The following PRRC2C variants were observed in gnomAD, a reference collection of about 807,000 sequenced individuals.
PRRC2C encodes protein PRRC2C.
In PRRC2C, 72 loss-of-function variants were observed where a neutral mutation model predicts 317.2. The observed-to-expected ratio is 0.23, with a 90% CI of 0.19 to 0.28. The LOEUF is 0.28. Ranked by LOEUF, PRRC2C falls within the 10% of genes least tolerant of loss-of-function variation. The probability of loss-of-function intolerance (pLI) is 1.00; values close to 1 mark genes in which losing one functional copy is unlikely to be tolerated. For missense variants in PRRC2C, 3,074 were observed against 3,459.7 expected (o/e 0.89, Z 2.80); for synonymous variants, 1,296 against 1,205.9 (o/e 1.07, Z -1.55).
intron 2 of PRRC2C, 104 bp downstream of exon 2, chr1:171,512,304 A>G (rs1234875195): frequency 8.6e-6 from 7 of 816,070 alleles, no homozygotes; most frequent in Non-Finnish European, 1.2e-5. Flanking sequence ...AGTTAATACA[A>G]TGCTATTTAC....
chr1:171,494,047 A>G (rs1667672400), intron 1 of PRRC2C, among the ~76,000 whole-genome samples: 1 of 152,248 alleles, frequency 6.6e-6, no homozygotes, highest in African/African-American at 2.4e-5. Context: ...ACTAAATATT[A>G]GAGCTAGAAT....
chr1:171,560,885 G>T lies in PRRC2C; in HGVS notation c.6032-133G>T, dbSNP rs1572017221. The T allele has an allele frequency of 3.9e-6, 3 of 767,448 alleles. No individual in the cohort carries two copies. The South Asian group carries it at 4.4e-5, about 11-fold the overall frequency. 47.5% of individuals were successfully genotyped at this position (767,448 alleles called of 1,614,324 possible). A position where few individuals can be genotyped will look rare whatever the true frequency, so the allele number is the denominator to read the frequency against. ...GATACATAATAATCTTTGTAAGTCT[G>T]ATTTGAAAAGTGATTGTTTTATTCC... On this transcript the variant is annotated intron_variant, in intron 19 of 34. Transcript: ENST00000647382.
intron 13 of PRRC2C, 135 bp from the exon 14 acceptor site, chr1:171,535,887 CAACTCTT>C: frequency 8.8e-7 from 1 of 1,142,224 alleles, no homozygotes; most frequent in East Asian, 2.6e-5. Context: ...TTTGTCTTGC[CAACTCTT>C]AACTGTTAAA....
At chr1:171,505,686 CTT>C (rs1670046620) in intron 1 of PRRC2C, among the ~76,000 whole-genome samples, 2 of 152,176 alleles carry the variant, frequency 1.3e-5, no homozygotes, top group Non-Finnish European at 2.9e-5. Flanking sequence ...AGCATACAAA[CTT>C]TTGACTGTTC....
chr1:171,503,681 C>T (rs560016264), intron 1 of PRRC2C, among the ~76,000 whole-genome samples: 1 of 152,008 alleles, frequency 6.6e-6, no homozygotes, highest in East Asian at 1.9e-4. Flanking sequence ...TTTAAATTTG[C>T]ATTTCCCAAA....
chr1:171,586,989 T>C lies in PRRC2C; in HGVS notation c.7750-14T>C, dbSNP rs1208081588. The C allele has an allele frequency of 2.6e-6, 4 of 1,560,780 alleles. No homozygotes were observed. In the East Asian group the frequency reaches 9.1e-5, roughly 36 times the overall value. The stretch of plus-strand genomic sequence containing the variant: ...GAAACAAATTGCTTCAGTTTCTCTT[T>C]ACTTATTTTCTAGGTTACAGTACCT... On this transcript the variant is annotated splice_polypyrimidine_tract_variant and intron_variant, in intron 30 of 34. Coordinates refer to ENST00000647382, the MANE Select transcript of PRRC2C (RefSeq NM_001387844.1).
At chr1:171,542,805 G>C (rs1678201738) in intron 16 of PRRC2C, among the ~76,000 whole-genome samples, 1 of 151,884 alleles carries the variant, frequency 6.6e-6, no homozygotes, top group Non-Finnish European at 1.5e-5. Flanking sequence ...TTGTCACCCA[G>C]GCTGGAGTGC....
chr1:171,576,989 T>G (rs899077075), intron 25 of PRRC2C, among the ~76,000 whole-genome samples: 17 of 152,358 alleles, frequency 1.1e-4, no homozygotes, highest in Admixed American at 6.5e-4. Context: ...TTAGGACCAG[T>G]TGAGATCTTT....
At chr1:171,517,978 CA>C (rs1463103893) in intron 6 of PRRC2C, among the ~76,000 whole-genome samples, 164 bp downstream of exon 6, 1 of 152,204 alleles carries the variant, frequency 6.6e-6, no homozygotes, top group African/African-American at 2.4e-5. Context: ...AGGGACTACA[CA>C]TGGTGTAAAC....
chr1:171,553,246 C>A (rs1390055586), intron 18 of PRRC2C, among the ~76,000 whole-genome samples: 1 of 152,144 alleles, frequency 6.6e-6, no homozygotes, highest in Non-Finnish European at 1.5e-5. Context: ...AGTTTATGTG[C>A]GTAGAGGTGT....
intron 4 of PRRC2C, 135 bp from the exon 5 acceptor site, chr1:171,515,599 T>A: frequency 1.4e-6 from 1 of 707,192 alleles, no homozygotes; most frequent in Non-Finnish European, 2.2e-6. Flanking sequence ...TTTAAAGTGA[T>A]ATGGCTATGA....
intron 28 of PRRC2C, among the ~76,000 whole-genome samples, chr1:171,583,364 A>G: frequency 1.6e-4 from 1 of 6,170 alleles, no homozygotes; most frequent in African/African-American, 7.8e-4. Flanking sequence ...GCAAACACAC[A>G]CATTAGGCTA....
intron 19 of PRRC2C, 89 bp from the exon 20 acceptor site, chr1:171,560,929 A>C: frequency 3.0e-6 from 3 of 1,004,280 alleles, no homozygotes; most frequent in Non-Finnish European, 4.8e-6. Context: ...TAATAGCTAC[A>C]CAGTAGGAGA....
chr1:171,579,245 A>C (rs1647952440), intron 26 of PRRC2C, 109 bp from the exon 27 acceptor site: 3 of 1,388,254 alleles, frequency 2.2e-6, no homozygotes, highest in Non-Finnish European at 2.8e-6. Flanking sequence ...GTATTTTCAG[A>C]GGGTGCACTT....
In PRRC2C at chr1:171,485,726, A is replaced by C. The variant is rs1008400654; in HGVS notation, c.-67A>C. 2 of 152,214 alleles carry C rather than the reference A, an allele frequency of 1.3e-5. No homozygotes were observed. The highest frequency in any genetic ancestry group is 2.9e-5 in the Non-Finnish European group (2 of 68,038). The allele number at this position is 152,214 out of a possible 1,614,324, so 9.4% of individuals were successfully genotyped here. A position where few individuals can be genotyped will look rare whatever the true frequency, so the allele number is the denominator to read the frequency against. On this transcript the variant is annotated 5_prime_UTR_variant, in exon 1 of 35. Coordinates refer to ENST00000647382, the MANE Select transcript of PRRC2C (RefSeq NM_001387844.1). ...CTCGAAGTGCGCAAACTTGACACTCACCCTGACCGGTAAGGAAAGCGAGGG... is the reference window on the plus strand; with the variant it reads ...CTCGAAGTGCGCAAACTTGACACTCCCCCTGACCGGTAAGGAAAGCGAGGG...
chr1:171,531,553 A>T (rs1308290794), intron 11 of PRRC2C, among the ~76,000 whole-genome samples: 1 of 152,176 alleles, frequency 6.6e-6, no homozygotes, highest in African/African-American at 2.4e-5. Flanking sequence ...TGGGTTACAT[A>T]TGGCTCTTAA....
At position 171,577,729 on chromosome 1, in the gene PRRC2C, A is replaced by G. The variant is rs940079623; in HGVS notation, c.7159+92A>G. ...TCTCTTCTTACCCTTTCAGCTAAGCATAAGGCTCTTAAAGTACATTGCTGT... is the reference window on the plus strand; with the variant it reads ...TCTCTTCTTACCCTTTCAGCTAAGCGTAAGGCTCTTAAAGTACATTGCTGT... On this transcript the variant is annotated intron_variant, in intron 26 of 34. Transcript: ENST00000647382. 15 of 1,122,044 alleles carry G rather than the reference A, an allele frequency of 1.3e-5. No homozygotes were observed. In the African/African-American group the frequency reaches 1.9e-4, roughly 14 times the overall value. The allele number at this position is 1,122,044 out of a possible 1,614,324, so 69.5% of individuals were successfully genotyped here. A position where few individuals can be genotyped will look rare whatever the true frequency, so the allele number is the denominator to read the frequency against.
chr1:171,542,207 C>A lies in PRRC2C; in HGVS notation c.4741C>A (p.Pro1581Thr). 1.9e-6 allele frequency: 3 copies of A among 1,563,616 alleles called. No homozygotes were observed. The highest frequency in any genetic ancestry group is 4.1e-5 in the Admixed American group (2 of 48,432). The change falls in exon 16 of 35, where the codon CCA (proline) becomes ACA (threonine). Residue 1581 changes from proline (P) to threonine (T), a missense_variant. Coordinates refer to ENST00000647382, the MANE Select transcript of PRRC2C (RefSeq NM_001387844.1). ...TAGAAATGAAAGGAGAAGTGGCCCACCATCAAAAAGTGGGAAGAGAGGGTG... is the reference window on the plus strand; with the variant it reads ...TAGAAATGAAAGGAGAAGTGGCCCAACATCAAAAAGTGGGAAGAGAGGGTG... The part of the protein sequence containing the change: ...GPRNERRSGP[P>T]SKSGKRGPFD...
intron 27 of PRRC2C, 65 bp downstream of exon 27, chr1:171,579,531 T>C: frequency 1.9e-6 from 3 of 1,556,308 alleles, no homozygotes; most frequent in Non-Finnish European, 2.6e-6. Flanking sequence ...ATAATAGTTA[T>C]CTTGGAACAT....
Sources: gnomAD v4.1 joint callset for allele counts (sites outside exome capture counted in the v4.1 genomes callset) on GRCh38, gnomAD v4.1.1 for gene constraint, MANE v1.5 for transcripts, NCBI Gene and HGNC (gene_info 2026-07-23, HGNC 2026-07-21) for gene names.